ZMYM2: variants seen among roughly 807,000 people sequenced by gnomAD.
The protein encoded by ZMYM2 is zinc finger MYM-type protein 2.
Under a neutral mutation model 162.8 loss-of-function variants are expected in ZMYM2, and 56 were observed. The ratio of observed to expected loss-of-function variants is 0.34; its 90% CI spans 0.28 to 0.43. The LOEUF (loss-of-function observed/expected upper bound fraction) is 0.43, where lower values mean the gene tolerates loss of function less well. Among genes scored for constraint, ZMYM2 ranks in the 20% least tolerant of loss-of-function variants. ZMYM2 has a pLI of 1.00. For missense variants in ZMYM2, 1,275 were observed against 1,621.8 expected (o/e 0.79, Z 3.67); for synonymous variants, 510 against 541.6 (o/e 0.94, Z 0.81).
At chr13:20,005,654 T>C (rs1950683367) in intron 5 of ZMYM2, among the ~76,000 whole-genome samples, 1 of 152,212 alleles carries the variant, frequency 6.6e-6, no homozygotes, top group Non-Finnish European at 1.5e-5. Flanking sequence ...ATTATTAATA[T>C]TGTGTTAAAT....
the ZMYM2 span, among the ~76,000 whole-genome samples, chr13:19,935,344 C>G: frequency 7.9e-5 from 12 of 151,426 alleles, no homozygotes; most frequent in Non-Finnish European, 8.8e-5. Context: ...ACCATATTGG[C>G]CAGGCTGGTC....
At chr13:19,878,259 G>A in the ZMYM2 span, among the ~76,000 whole-genome samples, 42 of 152,058 alleles carry the variant, frequency 2.8e-4, no homozygotes, top group African/African-American at 1.0e-3. Flanking sequence ...CACCATGTTG[G>A]CCAGGCTGGT....
chr13:20,021,495 A>G, intron 7 of ZMYM2, among the ~76,000 whole-genome samples: 1 of 151,802 alleles, frequency 6.6e-6, no homozygotes. Flanking sequence ...TTGTTCTGGC[A>G]TCCTGTCAAA....
At chr13:19,932,260 A>G in the ZMYM2 span, among the ~76,000 whole-genome samples, 3 of 152,084 alleles carry the variant, frequency 2.0e-5, no homozygotes, top group South Asian at 2.1e-4. Context: ...CCCCAATGTG[A>G]TGGTATTTGG....
At chr13:20,059,649 G>C (rs1219329352) in intron 16 of ZMYM2, 87 bp downstream of exon 16, 3 of 713,506 alleles carry the variant, frequency 4.2e-6, no homozygotes, top group Admixed American at 2.4e-5. Context: ...TGAACAACAA[G>C]AGTTTGAACT....
intron 3 of ZMYM2, among the ~76,000 whole-genome samples, chr13:19,996,143 C>T (rs149803570): frequency 2.5e-3 from 375 of 152,238 alleles, no homozygotes; most frequent in African/African-American, 8.8e-3. Flanking sequence ...TCATTTTAGG[C>T]TCATTATCCT....
chr13:19,954,972 G>A (rs1338042103), upstream of ZMYM2, among the ~76,000 whole-genome samples: 2 of 151,634 alleles, frequency 1.3e-5, no homozygotes, highest in African/African-American at 2.4e-5. Flanking sequence ...CACGCTGCCC[G>A]GCTAGTTTTT....
chr13:20,030,295 A>T (rs1952976501), intron 9 of ZMYM2, among the ~76,000 whole-genome samples: 1 of 142,940 alleles, frequency 7.0e-6, no homozygotes, highest in African/African-American at 2.6e-5. Flanking sequence ...CAGTGGTGTG[A>T]TCTCGGCTCA....
At chr13:20,053,950 TTTTATA>T (rs1325384367) in intron 14 of ZMYM2, among the ~76,000 whole-genome samples, 1 of 152,226 alleles carries the variant, frequency 6.6e-6, no homozygotes, top group Non-Finnish European at 1.5e-5. Flanking sequence ...CTACTCCCTA[TTTTATA>T]TTTATAAGGC....
chr13:19,991,114 T>TGTGTGTGTGTGTGTGTAC (rs1555289714), intron 2 of ZMYM2, among the ~76,000 whole-genome samples: 1 of 147,508 alleles, frequency 6.8e-6, no homozygotes, highest in Non-Finnish European at 1.5e-5. Context: ...TGTGTGTGTG[T>TGTGTGTGTGTGTGTGTAC]ACGTATGTGT....
chr13:20,085,741 T>C, intron 24 of ZMYM2, 81 bp from the exon 25 acceptor site: 1 of 1,296,850 alleles, frequency 7.7e-7, no homozygotes. Flanking sequence ...ATTAATGGGG[T>C]CTGAATTATT....
chr13:20,065,658 G>T (rs1180235778), intron 19 of ZMYM2, among the ~76,000 whole-genome samples: 1 of 151,984 alleles, frequency 6.6e-6, no homozygotes, highest in Non-Finnish European at 1.5e-5. Flanking sequence ...ATAAAAACCA[G>T]CCAGGCATGG....
At chr13:19,935,255 T>G in the ZMYM2 span, among the ~76,000 whole-genome samples, 2 of 152,116 alleles carry the variant, frequency 1.3e-5, no homozygotes, top group Non-Finnish European at 2.9e-5. Flanking sequence ...TGCCCCAGCC[T>G]CCTGAGTGGC....
chr13:19,971,881 C>A (rs1566184053), intron 2 of ZMYM2, among the ~76,000 whole-genome samples: 2 of 151,630 alleles, frequency 1.3e-5, no homozygotes, highest in African/African-American at 4.8e-5. Flanking sequence ...AAAAAAAAAA[C>A]TAGATGTAGA....
intron 12 of ZMYM2, among the ~76,000 whole-genome samples, chr13:20,039,402 C>T (rs536600263): frequency 3.3e-5 from 5 of 151,406 alleles, no homozygotes; most frequent in East Asian, 3.9e-4. Flanking sequence ...GTATGATGTT[C>T]GCTGTGTGTT....
At chr13:19,953,933 G>A (rs573683574), upstream of ZMYM2, among the ~76,000 whole-genome samples, 54 of 151,428 alleles carry the variant, frequency 3.6e-4, no homozygotes, top group African/African-American at 1.3e-3. Flanking sequence ...ATACTAGAAT[G>A]GATAATATTA....
At chr13:20,054,188 G>C (rs1031319314) in intron 14 of ZMYM2, among the ~76,000 whole-genome samples, 2 of 152,232 alleles carry the variant, frequency 1.3e-5, no homozygotes, top group Non-Finnish European at 2.9e-5. Context: ...GAGCTTAGCT[G>C]TATAATTTTG....
At chr13:19,882,164 AAAT>A in the ZMYM2 span, among the ~76,000 whole-genome samples, 4 of 152,168 alleles carry the variant, frequency 2.6e-5, no homozygotes, top group African/African-American at 7.2e-5. Context: ...CCGAGCAGTG[AAAT>A]AATAAATCAG....
At chr13:19,864,854 T>TCTAC in the ZMYM2 span, 2 of 152,238 alleles carry the variant, frequency 1.3e-5, no homozygotes, top group Non-Finnish European at 2.9e-5. Flanking sequence ...TTGTTCCTCG[T>TCTAC]CTACACCTAC....
Sources: gnomAD v4.1 joint callset for allele counts (sites outside exome capture counted in the v4.1 genomes callset) on GRCh38, gnomAD v4.1.1 for gene constraint, MANE v1.5 for transcripts, NCBI Gene and HGNC (gene_info 2026-07-23, HGNC 2026-07-21) for gene names.